Variants in CHAC2 observed in about 807,000 individuals in gnomAD.
CHAC2 encodes glutathione-specific gamma-glutamylcyclotransferase 2.
CHAC2 carries 20 observed loss-of-function variants against 16.9 expected under a neutral mutation model. That is an observed-to-expected ratio of 1.18 (90% CI 0.83 to 1.72). CHAC2 has a LOEUF of 1.72. CHAC2 is among the 40% of genes most tolerant of loss of function. The probability of loss-of-function intolerance (pLI) is 0.00; values close to 1 mark genes in which losing one functional copy is unlikely to be tolerated. For missense variants in CHAC2, 269 were observed against 222.2 expected, an observed-to-expected ratio of 1.21 and a Z score of -1.34; for synonymous variants, 91 against 77.3, an observed-to-expected ratio of 1.18 and a Z score of -0.93.
At chr2:53,772,396 A>C (rs370303924) in intron 2 of CHAC2, among the ~76,000 whole-genome samples, 12 of 152,012 alleles carry the variant, frequency 7.9e-5, no homozygotes, top group Non-Finnish European at 1.8e-4. Context: ...GGATGGTCTC[A>C]ATCTCCCGAC....
Position 53,768,684 on chromosome 2 carries a change from A to G in CHAC2, c.135+663A>G, listed in dbSNP as rs114931697. Among the ~76,000 whole-genome samples, 652 of 152,366 alleles carry G rather than the reference A, an allele frequency of 4.3e-3. 7 individuals are homozygous for G. The highest frequency in any genetic ancestry group is 0.015 in the African/African-American group (624 of 41,588). Reference sequence around the variant, plus strand: ...TCATTACTATATCCAGCATTATTTTAATGTTACTTTCTTGATGGTTCTCAT... The same window carrying G: ...TCATTACTATATCCAGCATTATTTTGATGTTACTTTCTTGATGGTTCTCAT... On this transcript the variant is annotated intron_variant, in intron 1 of 2. Coordinates refer to ENST00000295304, the MANE Select transcript of CHAC2 (RefSeq NM_001008708.4).
In CHAC2 at chr2:53,767,831, G is replaced by A. The variant is rs974485124; in HGVS notation, c.-56G>A. On this transcript the variant is annotated 5_prime_UTR_variant, in exon 1 of 3. Transcript: ENST00000295304. ...TCGCTTACCGGAGGCTTCAGTCCCC[G>A]GCGGCGCGGCGACAGCTAGGGTTCA... 15 of 1,554,590 alleles carry A rather than the reference G, an allele frequency of 9.6e-6. No homozygotes were observed. Among genetic ancestry groups the A allele is most frequent in the Admixed American group, 5.8e-5 (3 of 51,338 alleles).
intron 1 of CHAC2, 52 bp downstream of exon 1, chr2:53,768,073 C>T (rs1213927191): frequency 6.3e-7 from 1 of 1,596,416 alleles, no homozygotes; most frequent in East Asian, 2.2e-5. Context: ...CCCTGCTCCC[C>T]AACTCCACAC....
chr2:53,771,001 G>C (rs1201022401), intron 1 of CHAC2, among the ~76,000 whole-genome samples: 1 of 152,118 alleles, frequency 6.6e-6, no homozygotes, highest in Non-Finnish European at 1.5e-5. Context: ...GGTAGCAGTG[G>C]TTCTTAAAGT....
chr2:53,767,991 C>T lies in CHAC2; in HGVS notation c.105C>T (p.Gly35=), dbSNP rs758240577. Residue 35 remains glycine (G), a synonymous_variant, in exon 1 of 3, where the codon GGC becomes GGT. Coordinates refer to ENST00000295304, the MANE Select transcript of CHAC2 (RefSeq NM_001008708.4). The part of the protein sequence containing the change: ...ITNYSRRFWQ[G]STDHRGVPGK... ...ACTACAGCAGGCGCTTCTGGCAGGG[C>T]AGCACGGACCACCGCGGGGTCCCCG... The T allele has an allele frequency of 2.4e-5, 39 of 1,611,344 alleles. No homozygotes were observed. The highest frequency in any genetic ancestry group is 3.1e-5 in the Non-Finnish European group (37 of 1,177,696).
At position 53,768,017 on chromosome 2, in the gene CHAC2, G is replaced by A; in HGVS notation, c.131G>A (p.Gly44Asp). 1 of 1,613,228 alleles carries A rather than the reference G, an allele frequency of 6.2e-7. No homozygotes were observed. Among genetic ancestry groups the A allele is most frequent in the East Asian group, 2.2e-5 (1 of 44,878 alleles). Residue 44 changes from glycine to aspartate, a missense_variant, in exon 1 of 3, where the codon GGC becomes GAC. Gly to Asp is a moderately conservative substitution (Grantham distance 94). Coordinates refer to ENST00000295304, the MANE Select transcript of CHAC2 (RefSeq NM_001008708.4). ...AGCACGGACCACCGCGGGGTCCCCGGCAAGGTGAGGCGCCGGTCAGCTCCC... is the reference window on the plus strand; with the variant it reads ...AGCACGGACCACCGCGGGGTCCCCGACAAGGTGAGGCGCCGGTCAGCTCCC... ...QGSTDHRGVP[G>D]KPGRVVTLVE...
rs201970715 is a variant in CHAC2, at chr2:53,771,863, A to T, written c.136-44A>T. On this transcript the variant is annotated intron_variant, in intron 1 of 2. Coordinates refer to ENST00000295304, the MANE Select transcript of CHAC2 (RefSeq NM_001008708.4). ...TTGCTAATGCTCAGCTACTTAATGAACTTTATTAATTCAGAAAAATTTTTT... is the reference window on the plus strand; with the variant it reads ...TTGCTAATGCTCAGCTACTTAATGATCTTTATTAATTCAGAAAAATTTTTT... 1.7e-5 allele frequency: 20 copies of T among 1,174,304 alleles called. No homozygotes were observed. In the African/African-American group the frequency reaches 2.9e-4, roughly 17 times the overall value. 72.7% of individuals were successfully genotyped at this position (1,174,304 alleles called of 1,614,324 possible). A position where few individuals can be genotyped will look rare whatever the true frequency, so the allele number is the denominator to read the frequency against.
intron 2 of CHAC2, among the ~76,000 whole-genome samples, chr2:53,773,104 T>C (rs962004118): frequency 1.3e-5 from 2 of 152,180 alleles, no homozygotes; most frequent in African/African-American, 4.8e-5. Context: ...GATTAGGAAA[T>C]GCTTTCATAA....
At chr2:53,768,902 G>A (rs1673689847) in intron 1 of CHAC2, among the ~76,000 whole-genome samples, 1 of 152,218 alleles carries the variant, frequency 6.6e-6, no homozygotes, top group Non-Finnish European at 1.5e-5. Context: ...ATTGGTCAAT[G>A]GAAAGTGGAA....
chr2:53,767,789 C>T, upstream of CHAC2: 2 of 1,477,442 alleles, frequency 1.4e-6, no homozygotes, highest in Admixed American at 4.5e-5. Context: ...GCGCCTGCGC[C>T]CCGCGCGGCC....
chr2:53,774,379 C>T lies in CHAC2; in HGVS notation c.409C>T (p.Pro137Ser). ...TGAACAAATTTTTAATGCAGCTGGT[C>T]CAAGTGGAAGAAATACAGAATATCT... ...IAEQIFNAAGPSGRNTEYLFE... is the reference protein window; with the variant it reads ...IAEQIFNAAGSSGRNTEYLFE... The change falls in exon 3 of 3, where the codon CCA (proline) becomes TCA (serine). Residue 137 changes from proline (P) to serine (S), a missense_variant. Transcript: ENST00000295304. 2.5e-6 allele frequency: 4 copies of T among 1,613,478 alleles called. No individual in the cohort carries two copies. Among genetic ancestry groups the T allele is most frequent in the Non-Finnish European group, 3.4e-6 (4 of 1,179,888 alleles).
At chr2:53,768,908 T>A (rs1436292688) in intron 1 of CHAC2, among the ~76,000 whole-genome samples, 1 of 152,104 alleles carries the variant, frequency 6.6e-6, no homozygotes, top group East Asian at 1.9e-4. Flanking sequence ...CAATGGAAAG[T>A]GGAAAAGATC....
rs1165873261 is a variant in CHAC2 at position 53,771,933 on chromosome 2, A to C, written c.162A>C (p.Glu54Asp). ...GKPGRVVTLVEDPAGCVWGVA... is the reference protein window; with the variant it reads ...GKPGRVVTLVDDPAGCVWGVA... ...CTGGAAGAGTTGTGACTCTTGTTGA[A>C]GATCCTGCGGTATGGTATAAATATT... The change falls in exon 2 of 3, where the codon GAA (glutamate) becomes GAC (aspartate). Residue 54 changes from glutamate (E) to aspartate (D), a missense_variant. Glu to Asp is a conservative substitution (Grantham distance 45). Coordinates refer to ENST00000295304, the MANE Select transcript of CHAC2 (RefSeq NM_001008708.4). 6.4e-7 allele frequency: 1 copy of C among 1,560,816 alleles called. No homozygotes were observed. The highest frequency in any genetic ancestry group is 8.7e-7 in the Non-Finnish European group (1 of 1,147,682).
Position 53,774,322 on chromosome 2 carries a change from T to G in CHAC2, c.352T>G (p.Tyr118Asp), listed in dbSNP as rs772004181. 29 of 1,613,772 alleles carry G rather than the reference T, an allele frequency of 1.8e-5. No homozygotes were observed. Among genetic ancestry groups the G allele is most frequent in the Non-Finnish European group, 2.4e-5 (28 of 1,179,942 alleles). The part of the protein sequence containing the change: ...LYIGTCDNPD[Y>D]LGPAPLEDIA... The stretch of plus-strand genomic sequence containing the variant: ...TATTGGAACATGTGATAATCCTGAT[T>G]ATCTTGGTCCTGCACCTCTGGAAGA... Residue 118 changes from tyrosine (Y) to aspartate (D), a missense_variant, in exon 3 of 3, where the codon TAT (tyrosine) becomes GAT (aspartate). Coordinates refer to ENST00000295304, the MANE Select transcript of CHAC2 (RefSeq NM_001008708.4).
At chr2:53,768,278 C>G in intron 1 of CHAC2, 2 of 433,586 alleles carry the variant, frequency 4.6e-6, no homozygotes, top group Non-Finnish European at 8.3e-6. Context: ...CACAGGCGCA[C>G]GAGCTCGCAC....
chr2:53,768,031 C>T lies in CHAC2; in HGVS notation c.135+10C>T, dbSNP rs1673612267. ...CGGGGTCCCCGGCAAGGTGAGGCGC[C>T]GGTCAGCTCCCCACACTTACTGCCC... is the stretch of plus-strand genomic sequence containing the variant. On this transcript the variant is annotated intron_variant, in intron 1 of 2. Coordinates refer to ENST00000295304, the MANE Select transcript of CHAC2 (RefSeq NM_001008708.4). 6.2e-7 allele frequency: 1 copy of T among 1,612,302 alleles called. No individual in the cohort carries two copies. The highest frequency in any genetic ancestry group is 8.5e-7 in the Non-Finnish European group (1 of 1,179,908).
intron 1 of CHAC2, among the ~76,000 whole-genome samples, chr2:53,770,708 A>T (rs1406084444): frequency 6.6e-6 from 1 of 152,154 alleles, no homozygotes; most frequent in African/African-American, 2.4e-5. Flanking sequence ...AATAGTAAAA[A>T]GTGAAGCTTT....
At position 53,775,033 on chromosome 2, in the gene CHAC2, T is replaced by G. The variant is rs1573023435; in HGVS notation, c.*508T>G. ...ATTTCCTTGTTATTCAAGTATTAAATGAAATCTTTTGAGTTTTTAGCCAAA... is the reference window on the plus strand; with the variant it reads ...ATTTCCTTGTTATTCAAGTATTAAAGGAAATCTTTTGAGTTTTTAGCCAAA... On this transcript the variant is annotated 3_prime_UTR_variant, in exon 3 of 3. Transcript: ENST00000295304. 1 of 152,798 alleles carries G rather than the reference T, an allele frequency of 6.5e-6. No individual in the cohort carries two copies. Among genetic ancestry groups the G allele is most frequent in the Middle Eastern group, 3.4e-3 (1 of 294 alleles). The allele number at this position is 152,798 out of a possible 1,614,324, so 9.5% of individuals were successfully genotyped here.
intron 1 of CHAC2, among the ~76,000 whole-genome samples, chr2:53,770,340 A>G (rs1227957767): frequency 6.6e-6 from 1 of 152,192 alleles, no homozygotes; most frequent in Admixed American, 6.5e-5. Flanking sequence ...AAATAGCAAC[A>G]AAGATGACAC....
Sources: allele counts gnomAD v4.1 joint callset (sites outside exome capture counted in the v4.1 genomes callset), GRCh38; gene constraint gnomAD v4.1.1; transcripts MANE v1.5; gene names NCBI Gene and HGNC (gene_info 2026-07-23, HGNC 2026-07-21).